The following TRAPPC10 variants were observed in gnomAD, a reference collection of about 807,000 sequenced individuals.
TRAPPC10 encodes the protein trafficking protein particle complex subunit 10.
Under a neutral mutation model 125.5 loss-of-function variants are expected in TRAPPC10, and 23 were observed. The ratio of observed to expected loss-of-function variants is 0.18; its 90% CI spans 0.13 to 0.26. The LOEUF (loss-of-function observed/expected upper bound fraction) is 0.26, where lower values mean the gene tolerates loss of function less well. TRAPPC10 is among the 10% of genes least tolerant of loss of function. The pLI, the probability that TRAPPC10 is intolerant of heterozygous loss-of-function variation, is 1.00. For missense variants in TRAPPC10, 1,123 were observed against 1,308.4 expected (o/e 0.86, Z 2.19); for synonymous variants, 509 against 518.0 (o/e 0.98, Z 0.24).
chr21:44,077,179 G>A (rs762130407), intron 10 of TRAPPC10, among the ~76,000 whole-genome samples: 1 of 152,024 alleles, frequency 6.6e-6, no homozygotes, highest in Non-Finnish European at 1.5e-5. Context: ...GAGTTTGTGG[G>A]TTTCTTTTAT....
intron 5 of TRAPPC10, among the ~76,000 whole-genome samples, chr21:44,058,589 G>A (rs2035789774): frequency 6.6e-6 from 1 of 152,254 alleles, no homozygotes; most frequent in African/African-American, 2.4e-5. Context: ...ATCCACACAA[G>A]CGTGCTGTGC....
intron 3 of TRAPPC10, among the ~76,000 whole-genome samples, chr21:44,045,835 C>T (rs755642361): frequency 3.8e-4 from 58 of 152,190 alleles, no homozygotes; most frequent in African/African-American, 1.1e-3. Flanking sequence ...GGATTACAGG[C>T]GTGAGCCACC....
intron 1 of TRAPPC10, among the ~76,000 whole-genome samples, chr21:44,019,244 T>C (rs914294273): frequency 6.6e-6 from 1 of 152,174 alleles, no homozygotes; most frequent in Non-Finnish European, 1.5e-5. Context: ...GAGATGGGGT[T>C]TCGCCATGTT....
Position 44,087,937 on chromosome 21 carries a change from G to T in TRAPPC10, c.2769+9G>T, listed in dbSNP as rs60541190. 2.5e-3 allele frequency: 3,975 copies of T among 1,605,016 alleles called. 100 individuals carry two copies. In the African/African-American group the frequency reaches 0.047, roughly 19 times the overall value. On this transcript the variant is annotated intron_variant, in intron 17 of 22. Coordinates refer to ENST00000291574, the MANE Select transcript of TRAPPC10 (RefSeq NM_003274.5). The surrounding 1 kb of genome is among the most constrained non-coding windows in gnomAD (Gnocchi z 4.6). Reference sequence around the variant, plus strand: ...TTACCACAGACCACAAAGTGAGTAGGGACAGTGGAGGAGCTTAGCTTGTGG... The same window carrying T: ...TTACCACAGACCACAAAGTGAGTAGTGACAGTGGAGGAGCTTAGCTTGTGG...
intron 5 of TRAPPC10, among the ~76,000 whole-genome samples, chr21:44,057,656 A>G (rs1308505537): frequency 2.6e-5 from 4 of 152,238 alleles, no homozygotes; most frequent in Non-Finnish European, 5.9e-5. Flanking sequence ...AATTTAAAAG[A>G]AAAAGATGAG....
intron 18 of TRAPPC10, among the ~76,000 whole-genome samples, chr21:44,091,383 T>C (rs1420233688): frequency 6.6e-6 from 1 of 152,194 alleles, no homozygotes; most frequent in African/African-American, 2.4e-5. Flanking sequence ...TCAGAAACTA[T>C]ATTCTTTCTT....
At chr21:44,019,393 C>T (rs1055525037) in intron 1 of TRAPPC10, among the ~76,000 whole-genome samples, 3 of 152,182 alleles carry the variant, frequency 2.0e-5, no homozygotes, top group African/African-American at 7.2e-5. Context: ...ACCTCAGTGC[C>T]TGCCTCTGTG....
At chr21:44,048,797 G>GTTTTTT (rs34892092) in intron 3 of TRAPPC10, among the ~76,000 whole-genome samples, 2 of 105,596 alleles carry the variant, frequency 1.9e-5, no homozygotes, top group Non-Finnish European at 3.9e-5. Context: ...CCCACCCTGT[G>GTTTTTT]TTTTTTTTTT....
chr21:44,063,259 C>A lies in TRAPPC10; in HGVS notation c.791-279C>A. 8.0e-7 allele frequency: 1 copy of A among 1,253,142 alleles called. No individual in the cohort carries two copies. Among genetic ancestry groups the A allele is most frequent in the Non-Finnish European group, 1.0e-6 (1 of 976,026 alleles). 77.6% of individuals were successfully genotyped at this position (1,253,142 alleles called of 1,614,324 possible). ...AGCCTGAGCTCCCCTAACCATGTAG[C>A]CTGTCTGTCTCTGGGTGACTTCCCA... On this transcript the variant is annotated intron_variant, in intron 6 of 22. Transcript: ENST00000291574. This position sits in a 1 kb window ranked among gnomAD's most constrained non-coding sequence, Gnocchi z 4.4.
chr21:44,029,593 G>C (rs2033394143), intron 1 of TRAPPC10, among the ~76,000 whole-genome samples: 1 of 152,214 alleles, frequency 6.6e-6, no homozygotes. Context: ...CTACGCTGGG[G>C]CACTGTCTTG....
chr21:44,101,129 C>T lies in TRAPPC10; in HGVS notation c.3347-1649C>T, dbSNP rs1399093663. Among the ~76,000 whole-genome samples the T allele has an allele frequency of 8.3e-5, 6 of 72,502 alleles. 2 individuals are homozygous for T. The East Asian group carries it at 2.6e-3, about 31-fold the overall frequency. The allele number at this position is 72,502 out of a possible 152,430, so 47.6% of individuals were successfully genotyped here. Reference sequence around the variant, plus strand: ...CAAAATTGCGCCACTGCACTCCAGCCTGGGCAACGAGCAAAACTCCGCCTC... The same window carrying T: ...CAAAATTGCGCCACTGCACTCCAGCTTGGGCAACGAGCAAAACTCCGCCTC... On this transcript the variant is annotated intron_variant, in intron 21 of 22. Transcript: ENST00000291574.
At chr21:44,086,722 C>T in intron 15 of TRAPPC10, 80 bp from the exon 16 acceptor site, 4 of 1,440,674 alleles carry the variant, frequency 2.8e-6, no homozygotes, top group Non-Finnish European at 3.8e-6. Flanking sequence ...AGAAATAGAG[C>T]CCCTTTCACC....
At chr21:44,025,209 C>T (rs1021311693) in intron 1 of TRAPPC10, among the ~76,000 whole-genome samples, 3 of 152,196 alleles carry the variant, frequency 2.0e-5, no homozygotes, top group African/African-American at 7.2e-5. Context: ...CTGATGCTGC[C>T]TCAGCTCCCT....
In TRAPPC10 at chr21:44,087,716, G is replaced by A. The variant is rs776706354; in HGVS notation, c.2557G>A (p.Ala853Thr). Residue 853 changes from alanine to threonine, a missense_variant, in exon 17 of 23, where the codon GCG becomes ACG. Transcript: ENST00000291574. This position sits in a 1 kb window ranked among gnomAD's most constrained non-coding sequence, Gnocchi z 4.6. Reference protein sequence around the residue: ...SNTREQSSEAALRIQSSDKVT... With the variant: ...SNTREQSSEATLRIQSSDKVT... ...CTTCGTAGAACAGTCTTCTGAGGCC[G>A]CGCTCCGGATTCAGTCCTCCGACAA... 1.1e-5 allele frequency: 17 copies of A among 1,613,676 alleles called. No individual in the cohort carries two copies. Among genetic ancestry groups the A allele is most frequent in the Middle Eastern group, 1.6e-4 (1 of 6,084 alleles).
intron 7 of TRAPPC10, among the ~76,000 whole-genome samples, chr21:44,073,695 A>G (rs1001662287): frequency 1.3e-5 from 2 of 152,194 alleles, no homozygotes; most frequent in Non-Finnish European, 2.9e-5. Flanking sequence ...AAATACAGAC[A>G]TTGGGTTTCA....
chr21:44,079,398 G>A, intron 11 of TRAPPC10, 166 bp from the exon 12 acceptor site: 1 of 648,068 alleles, frequency 1.5e-6, no homozygotes, highest in Non-Finnish European at 2.5e-6. Flanking sequence ...TCCTGAGTAG[G>A]TACTCTTTCT....
rs2036232739 is a variant in TRAPPC10 at position 44,063,856 on chromosome 21, C to T, written c.1038+71C>T. 1.3e-6 allele frequency: 2 copies of T among 1,546,678 alleles called. No individual in the cohort carries two copies. The highest frequency in any genetic ancestry group is 1.2e-5 in the South Asian group (1 of 80,974). On this transcript the variant is annotated intron_variant, in intron 7 of 22. Transcript: ENST00000291574. This position sits in a 1 kb window ranked among gnomAD's most constrained non-coding sequence, Gnocchi z 4.4. ...GCAGAAATCTCTGAACCTTGAGATC[C>T]CAGGCATTGAACTGTTTGTGCTTAA...
chr21:44,074,908 T>A, intron 8 of TRAPPC10, 131 bp from the exon 9 acceptor site: 1 of 686,270 alleles, frequency 1.5e-6, no homozygotes, highest in South Asian at 1.9e-5. Flanking sequence ...TGTATCCAGA[T>A]TTGAGTCATT....
chr21:44,071,723 G>A (rs2036883490), intron 7 of TRAPPC10, among the ~76,000 whole-genome samples: 1 of 152,196 alleles, frequency 6.6e-6, no homozygotes, highest in Admixed American at 6.5e-5. Flanking sequence ...AAAATGATCT[G>A]TGATAGGAAA....
Sources: gnomAD v4.1 joint callset for allele counts (sites outside exome capture counted in the v4.1 genomes callset) on GRCh38, gnomAD v4.1.1 for gene constraint, Gnocchi (gnomAD v3.1) non-coding constraint, MANE v1.5 for transcripts, NCBI Gene and HGNC (gene_info 2026-07-23, HGNC 2026-07-21) for gene names.